The following MARK1 variants were observed in gnomAD, a reference collection of about 807,000 sequenced individuals.
MARK1 encodes microtubule affinity regulating kinase 1, also known as serine/threonine-protein kinase MARK1.
MARK1 carries 40 observed loss-of-function variants against 96.3 expected under a neutral mutation model. That is an observed-to-expected ratio of 0.42 (90% confidence interval 0.32 to 0.54). MARK1 has a LOEUF of 0.54. Among genes scored for constraint, MARK1 ranks in the 20% least tolerant of loss-of-function variants. The pLI is 0.16. For synonymous variants in MARK1, 317 were observed against 341.2 expected, an observed-to-expected ratio of 0.93 and a Z score of 0.78; for missense variants, 719 against 984.6, an observed-to-expected ratio of 0.73 and a Z score of 3.61.
intron 3 of MARK1, among the ~76,000 whole-genome samples, chr1:220,589,054 C>G (rs1434060279): frequency 6.6e-6 from 1 of 152,192 alleles, no homozygotes. Context: ...TGAAAGAACT[C>G]TCTCAGGAGG....
intron 11 of MARK1, among the ~76,000 whole-genome samples, chr1:220,634,592 C>A (rs1474199604): frequency 2.0e-5 from 3 of 152,192 alleles, no homozygotes; most frequent in Non-Finnish European, 2.9e-5. Context: ...GAAACAGTTT[C>A]TAGTGGATTA....
In MARK1 at chr1:220,604,052, A is replaced by G; in HGVS notation, c.425-15A>G. The G allele has an allele frequency of 6.3e-7, 1 of 1,577,522 alleles. No homozygotes were observed. On this transcript the variant is annotated splice_polypyrimidine_tract_variant and intron_variant, in intron 5 of 17. Coordinates refer to ENST00000366917, the MANE Select transcript of MARK1 (RefSeq NM_018650.5). ...CTATGTATATTTTACTACCTGCTTT[A>G]CCTTTCTGATTCAGGTGAAGTATTT...
chr1:220,546,903 T>C (rs2102729921), intron 1 of MARK1, among the ~76,000 whole-genome samples: 1 of 147,188 alleles, frequency 6.8e-6, no homozygotes, highest in South Asian at 2.1e-4. Context: ...ACCCTGGAGG[T>C]GGAGGCTGCA....
intron 1 of MARK1, among the ~76,000 whole-genome samples, chr1:220,562,922 G>T (rs1362116464): frequency 1.3e-5 from 2 of 152,032 alleles, no homozygotes; most frequent in African/African-American, 4.8e-5. Context: ...TCAATCCATA[G>T]TTGGTTGAAT....
intron 1 of MARK1, among the ~76,000 whole-genome samples, chr1:220,551,690 G>A (rs1260192683): frequency 2.0e-5 from 3 of 151,938 alleles, no homozygotes; most frequent in Non-Finnish European, 2.9e-5. Flanking sequence ...AAATGGGAAG[G>A]GGAATCAAAA....
chr1:220,528,506 C>T lies in MARK1; in HGVS notation c.-317C>T, dbSNP rs1660066576. 2.5e-6 allele frequency: 1 copy of T among 401,418 alleles called. No individual in the cohort carries two copies. Among genetic ancestry groups the T allele is most frequent in the Non-Finnish European group, 4.4e-6 (1 of 225,020 alleles). 24.9% of individuals were successfully genotyped at this position (401,418 alleles called of 1,614,324 possible). On this transcript the variant is annotated 5_prime_UTR_variant, in exon 1 of 18. Coordinates refer to ENST00000366917, the MANE Select transcript of MARK1 (RefSeq NM_018650.5). ...GCCTAGCGGGGCTCGCCACCGCCTC[C>T]CGGCTCCCCTTCCACGCCTCATCCT...
chr1:220,618,891 A>T lies in MARK1; in HGVS notation c.909+136A>T. On this transcript the variant is annotated intron_variant, in intron 9 of 17. Coordinates refer to ENST00000366917, the MANE Select transcript of MARK1 (RefSeq NM_018650.5). This position sits in a 1 kb window ranked among gnomAD's most constrained non-coding sequence, Gnocchi z 4.6. ...CTGCCTTTTGTTTGTAGGTAGGGAA[A>T]ATTACATGACTTTTTTTCACTTTCA... 1.4e-6 allele frequency: 1 copy of T among 713,636 alleles called. No homozygotes were observed. Among genetic ancestry groups the T allele is most frequent in the Admixed American group, 3.5e-5 (1 of 28,616 alleles). 44.2% of individuals were successfully genotyped at this position (713,636 alleles called of 1,614,324 possible).
chr1:220,659,078 T>C (rs1669327385), intron 17 of MARK1, among the ~76,000 whole-genome samples: 1 of 152,222 alleles, frequency 6.6e-6, no homozygotes, highest in Non-Finnish European at 1.5e-5. Flanking sequence ...CCTTTTAATG[T>C]AACTATATAA....
rs770940892 is a variant in MARK1 at position 220,616,027 on chromosome 1, A to T, written c.552+32A>T. 1.7e-5 allele frequency: 20 copies of T among 1,191,644 alleles called. No individual in the cohort carries two copies. In the African/African-American group the frequency reaches 2.9e-4, roughly 17 times the overall value. The allele number at this position is 1,191,644 out of a possible 1,614,324, so 73.8% of individuals were successfully genotyped here. A position where few individuals can be genotyped will look rare whatever the true frequency, so the allele number is the denominator to read the frequency against. ...TTCTGAGTGTAATTTTTTTAAAAAA[A>T]AAATCGTTATTATTAACATATATTT... On this transcript the variant is annotated intron_variant, in intron 7 of 17. Coordinates refer to ENST00000366917, the MANE Select transcript of MARK1 (RefSeq NM_018650.5).
At chr1:220,628,984 C>T (rs528920117) in intron 9 of MARK1, among the ~76,000 whole-genome samples, 3 of 151,258 alleles carry the variant, frequency 2.0e-5, no homozygotes, top group Non-Finnish European at 4.4e-5. Context: ...CAGCAGTATT[C>T]TTAAGAGATT....
chr1:220,577,193 A>T (rs1258013211), intron 1 of MARK1, among the ~76,000 whole-genome samples: 1 of 152,110 alleles, frequency 6.6e-6, no homozygotes, highest in African/African-American at 2.4e-5. Flanking sequence ...AAGTGGGAAG[A>T]TCACTTGAGG....
At chr1:220,528,980 G>A in intron 1 of MARK1, 107 bp downstream of exon 1, 1 of 1,139,658 alleles carries the variant, frequency 8.8e-7, no homozygotes, top group Non-Finnish European at 1.2e-6. Flanking sequence ...GGCCACCCGC[G>A]GCAGGGTCTC....
chr1:220,544,720 C>G (rs1661364638), intron 1 of MARK1, among the ~76,000 whole-genome samples: 1 of 152,128 alleles, frequency 6.6e-6, no homozygotes, highest in Non-Finnish European at 1.5e-5. Context: ...TCAGGTTAGT[C>G]CAGGTGGTAA....
chr1:220,560,114 A>T (rs1662561729), intron 1 of MARK1, among the ~76,000 whole-genome samples: 1 of 152,168 alleles, frequency 6.6e-6, no homozygotes, highest in Non-Finnish European at 1.5e-5. Context: ...GAAACCCCTT[A>T]TAAAGCCATC....
chr1:220,613,643 A>C (rs965990699), intron 6 of MARK1, among the ~76,000 whole-genome samples: 4 of 152,218 alleles, frequency 2.6e-5, no homozygotes, highest in Non-Finnish European at 5.9e-5. Flanking sequence ...ATGTCTAATA[A>C]AATATACATA....
chr1:220,607,640 A>G (rs1666164181), intron 6 of MARK1, among the ~76,000 whole-genome samples: 2 of 152,032 alleles, frequency 1.3e-5, no homozygotes, highest in Admixed American at 6.6e-5. Flanking sequence ...CCCATTGAGT[A>G]TGGGGAATGC....
At chr1:220,593,661 C>A (rs1665139192) in intron 3 of MARK1, among the ~76,000 whole-genome samples, 1 of 152,150 alleles carries the variant, frequency 6.6e-6, no homozygotes, top group Admixed American at 6.5e-5. Context: ...CCCCTTGTTT[C>A]TCTTTGGGGT....
At chr1:220,548,597 G>A (rs947183596) in intron 1 of MARK1, among the ~76,000 whole-genome samples, 4 of 152,030 alleles carry the variant, frequency 2.6e-5, no homozygotes, top group African/African-American at 7.2e-5. Flanking sequence ...AAAATTAGCA[G>A]GCGTGGTGGT....
rs538601440 is a variant in MARK1, at chr1:220,661,990, T to C, written c.2212T>C (p.Phe738Leu). Residue 738 changes from phenylalanine (F) to leucine (L), a missense_variant, in exon 18 of 18, where the codon TTT (phenylalanine) becomes CTT (leucine). Phe to Leu is a conservative substitution (Grantham distance 22). Around this residue, in one of 4 missense-constraint regions of MARK1, gnomAD observed 501 missense variants for 588.3 expected, o/e 0.85. Coordinates refer to ENST00000366917, the MANE Select transcript of MARK1 (RefSeq NM_018650.5). ...CTGTGATTATGAGCAAAAAGAGAGA[T>C]TTTTGCTTTTCTGTGTCCATGGAGA... ...NNCDYEQKERFLLFCVHGDAR... is the reference protein window; with the variant it reads ...NNCDYEQKERLLLFCVHGDAR... 1.2e-6 allele frequency: 2 copies of C among 1,614,042 alleles called. No homozygotes were observed. Among genetic ancestry groups the C allele is most frequent in the African/African-American group, 1.3e-5 (1 of 74,920 alleles).
Sources: allele counts gnomAD v4.1 joint callset (sites outside exome capture counted in the v4.1 genomes callset), GRCh38; gene constraint gnomAD v4.1.1; regional missense constraint gnomAD v4.1.1; non-coding constraint Gnocchi (gnomAD v3.1); transcripts MANE v1.5; gene names NCBI Gene and HGNC (gene_info 2026-07-23, HGNC 2026-07-21).